The following SPAG16 variants were observed in gnomAD, a reference collection of about 807,000 sequenced individuals.
SPAG16 encodes sperm associated antigen 16.
SPAG16 carries 86 observed loss-of-function variants against 80.4 expected under a neutral mutation model. The observed-to-expected ratio is 1.07, with a 90% confidence interval of 0.90 to 1.28. The LOEUF is 1.28. Ranked by LOEUF, SPAG16 falls within the 50% of genes most tolerant of loss-of-function variation. SPAG16 has a pLI of 0.00. For synonymous variants in SPAG16, 294 were observed against 265.9 expected, an observed-to-expected ratio of 1.11 and a Z score of -1.03; for missense variants, 870 against 765.3, an observed-to-expected ratio of 1.14 and a Z score of -1.61.
chr2:213,691,140 T>G (rs371100736), intron 10 of SPAG16, among the ~76,000 whole-genome samples: 2 of 152,100 alleles, frequency 1.3e-5, no homozygotes, highest in Non-Finnish European at 2.9e-5. Context: ...CATAGCACTC[T>G]TCAATAAGCC....
At chr2:213,954,835 T>C (rs2044038466) in intron 12 of SPAG16, among the ~76,000 whole-genome samples, 1 of 152,190 alleles carries the variant, frequency 6.6e-6, no homozygotes, top group Non-Finnish European at 1.5e-5. Flanking sequence ...GTTTTAAAAA[T>C]ATTATGATTA....
At chr2:214,037,249 T>C (rs1409983156) in intron 13 of SPAG16, among the ~76,000 whole-genome samples, 2 of 151,976 alleles carry the variant, frequency 1.3e-5, no homozygotes, top group African/African-American at 4.8e-5. Flanking sequence ...GTTTTTATTA[T>C]TCCTTGTTTA....
intron 10 of SPAG16, among the ~76,000 whole-genome samples, chr2:213,517,659 C>T (rs2125835699): frequency 6.6e-6 from 1 of 152,088 alleles, no homozygotes; most frequent in African/African-American, 2.4e-5. Context: ...GAAATAAAGC[C>T]ACACACATCT....
At chr2:213,348,369 C>A (rs2065121801) in intron 6 of SPAG16, among the ~76,000 whole-genome samples, 1 of 152,050 alleles carries the variant, frequency 6.6e-6, no homozygotes, top group Non-Finnish European at 1.5e-5. Flanking sequence ...AGCATTTAGC[C>A]CATTTACATT....
intron 14 of SPAG16, 132 bp downstream of exon 14, chr2:214,108,393 CAA>C (rs1244739056): frequency 9.0e-6 from 5 of 557,922 alleles, no homozygotes; most frequent in Non-Finnish European, 1.5e-5. Flanking sequence ...TAGTTGTAAA[CAA>C]TAGGAAAAGT....
intron 10 of SPAG16, among the ~76,000 whole-genome samples, chr2:213,584,898 C>A (rs1283605552): frequency 1.3e-5 from 2 of 152,050 alleles, no homozygotes; most frequent in African/African-American, 2.4e-5. Flanking sequence ...TTTAAAATGT[C>A]TTGAATGAGG....
chr2:213,724,849 G>A lies in SPAG16; in HGVS notation c.1071-137636G>A, dbSNP rs566542692. 1.9e-4 allele frequency among the ~76,000 whole-genome samples: 27 copies of A among 140,252 alleles called. 1 individual carries two copies. The East Asian group carries it at 5.6e-3, about 29-fold the overall frequency. 92.0% of individuals were successfully genotyped at this position (140,252 alleles called of 152,430 possible). On this transcript the variant is annotated intron_variant, in intron 10 of 15. Coordinates refer to ENST00000331683, the MANE Select transcript of SPAG16 (RefSeq NM_024532.5). The stretch of plus-strand genomic sequence containing the variant: ...AATTGATGAGTATGAAAACATGCCA[G>A]ATCATCCCAAAGGATGTATTAGGGA...
At chr2:214,338,536 C>T (rs760489957) in intron 15 of SPAG16, among the ~76,000 whole-genome samples, 9 of 152,098 alleles carry the variant, frequency 5.9e-5, no homozygotes, top group Non-Finnish European at 1.2e-4. Context: ...TAAAAAAAAT[C>T]CTCCAGTGGT....
At chr2:213,867,360 A>G (rs900526483) in intron 11 of SPAG16, among the ~76,000 whole-genome samples, 1 of 152,226 alleles carries the variant, frequency 6.6e-6, no homozygotes, top group African/African-American at 2.4e-5. Flanking sequence ...GAAAATGTAC[A>G]TTGCCAAAAA....
At chr2:213,790,129 T>C (rs532143787) in intron 10 of SPAG16, among the ~76,000 whole-genome samples, 3 of 151,948 alleles carry the variant, frequency 2.0e-5, no homozygotes, top group Non-Finnish European at 4.4e-5. Context: ...GTACCTTTGT[T>C]CTATGGCCAA....
chr2:214,187,146 C>T (rs142821876), intron 15 of SPAG16, among the ~76,000 whole-genome samples: 17 of 152,132 alleles, frequency 1.1e-4, no homozygotes, highest in Non-Finnish European at 2.2e-4. Context: ...ACTATATGGG[C>T]GTACTCTCAT....
At chr2:214,025,351 T>A (rs182153373) in intron 13 of SPAG16, among the ~76,000 whole-genome samples, 3 of 151,760 alleles carry the variant, frequency 2.0e-5, no homozygotes, top group Non-Finnish European at 4.4e-5. Context: ...ACAGTATGTA[T>A]AGTGTTTATT....
chr2:213,412,278 T>A (rs2069016838), intron 9 of SPAG16, among the ~76,000 whole-genome samples: 2 of 152,148 alleles, frequency 1.3e-5, no homozygotes, highest in Non-Finnish European at 1.5e-5. Context: ...ACCTGTGTGG[T>A]CTAACCCTAG....
At chr2:214,114,834 T>A (rs1032705665) in intron 14 of SPAG16, among the ~76,000 whole-genome samples, 4 of 152,148 alleles carry the variant, frequency 2.6e-5, no homozygotes, top group African/African-American at 9.7e-5. Flanking sequence ...CCAGTCCCAG[T>A]GAGATGAACC....
chr2:213,980,725 T>G lies in SPAG16; in HGVS notation c.1401-33226T>G, dbSNP rs370812109. 2.3e-3 allele frequency among the ~76,000 whole-genome samples: 244 copies of G among 103,988 alleles called. 1 individual carries two copies. Among genetic ancestry groups the G allele is most frequent in the African/African-American group, 5.0e-3 (100 of 20,088 alleles). The allele number at this position is 103,988 out of a possible 152,430, so 68.2% of individuals were successfully genotyped here. A position where few individuals can be genotyped will look rare whatever the true frequency, so the allele number is the denominator to read the frequency against. On this transcript the variant is annotated intron_variant, in intron 12 of 15. Transcript: ENST00000331683. ...GTGTGTGTGTGTGTATATATATATA[T>G]AGAGAGAGAGAGAGAGAGAGAGAGA...
Position 214,210,298 on chromosome 2 carries a change from T to A in SPAG16, c.1720+61032T>A, listed in dbSNP as rs561535082. On this transcript the variant is annotated intron_variant, in intron 15 of 15. Coordinates refer to ENST00000331683, the MANE Select transcript of SPAG16 (RefSeq NM_024532.5). ...TTATACATGGATTTTTTCAATAAGTTTACTGAAAATTTTCTTGGAGATTTG... is the reference window on the plus strand; with the variant it reads ...TTATACATGGATTTTTTCAATAAGTATACTGAAAATTTTCTTGGAGATTTG... Among the ~76,000 whole-genome samples, 73 of 152,276 alleles carry A rather than the reference T, an allele frequency of 4.8e-4. No individual in the cohort carries two copies. The South Asian group carries it at 8.9e-3, about 19-fold the overall frequency.
intron 15 of SPAG16, among the ~76,000 whole-genome samples, chr2:214,400,048 A>T (rs1701618228): frequency 6.6e-6 from 1 of 152,066 alleles, no homozygotes; most frequent in Non-Finnish European, 1.5e-5. Flanking sequence ...GAACATTTTT[A>T]GGACTTTAGG....
intron 10 of SPAG16, among the ~76,000 whole-genome samples, chr2:213,856,637 C>T (rs2105926623): frequency 6.6e-6 from 1 of 152,242 alleles, no homozygotes; most frequent in African/African-American, 2.4e-5. Flanking sequence ...TCTGATCCCC[C>T]ACAGGCCCAA....
chr2:213,776,049 T>C, intron 10 of SPAG16, among the ~76,000 whole-genome samples: 1 of 152,236 alleles, frequency 6.6e-6, no homozygotes, highest in East Asian at 1.9e-4. Context: ...TTGTGTGTAG[T>C]TACATATAAT....
Sources: allele counts gnomAD v4.1 joint callset (sites outside exome capture counted in the v4.1 genomes callset), GRCh38; gene constraint gnomAD v4.1.1; transcripts MANE v1.5; gene names NCBI Gene and HGNC (gene_info 2026-07-23, HGNC 2026-07-21).